The following GALNT1 variants were observed in gnomAD, a reference collection of about 807,000 sequenced individuals.
GALNT1 encodes polypeptide N-acetylgalactosaminyltransferase 1, also known as GalNAc transferase 1.
GALNT1 carries 17 observed loss-of-function variants against 65.7 expected under a neutral mutation model. That is an observed-to-expected ratio of 0.26 (90% confidence interval 0.18 to 0.39). GALNT1 has a LOEUF of 0.39. Among genes scored for constraint, GALNT1 ranks in the 10% least tolerant of loss-of-function variants. The probability of loss-of-function intolerance (pLI) is 1.00; values close to 1 mark genes in which losing one functional copy is unlikely to be tolerated. For synonymous variants in GALNT1, 210 were observed against 219.7 expected (o/e 0.96, Z 0.39); for missense variants, 460 against 672.8 (o/e 0.68, Z 3.50).
At chr18:35,597,797 C>T (rs1273011178) in intron 1 of GALNT1, among the ~76,000 whole-genome samples, 1 of 152,124 alleles carries the variant, frequency 6.6e-6, no homozygotes, top group Non-Finnish European at 1.5e-5. Flanking sequence ...CAGTTTACAT[C>T]TTTTAAGTCA....
chr18:35,655,669 T>C (rs2047375531), intron 2 of GALNT1, among the ~76,000 whole-genome samples: 1 of 152,128 alleles, frequency 6.6e-6, no homozygotes, highest in Non-Finnish European at 1.5e-5. Context: ...TAAACATGTT[T>C]TCTTTAAGCA....
intron 1 of GALNT1, among the ~76,000 whole-genome samples, chr18:35,622,823 A>G (rs1184448868): frequency 6.6e-6 from 1 of 152,170 alleles, no homozygotes; most frequent in Non-Finnish European, 1.5e-5. Context: ...CTTTAACAGT[A>G]AGTGAGTTGT....
At chr18:35,602,191 C>G (rs1261816581) in intron 1 of GALNT1, among the ~76,000 whole-genome samples, 1 of 152,174 alleles carries the variant, frequency 6.6e-6, no homozygotes, top group Non-Finnish European at 1.5e-5. Flanking sequence ...TTGTCACACT[C>G]CCTTTTGGCT....
At chr18:35,610,719 AT>A (rs1240759865) in intron 1 of GALNT1, among the ~76,000 whole-genome samples, 2 of 152,230 alleles carry the variant, frequency 1.3e-5, no homozygotes, top group African/African-American at 4.8e-5. Context: ...TAACCTAGAC[AT>A]TTAAAAATAA....
At chr18:35,585,236 C>T (rs1483304916) in intron 1 of GALNT1, among the ~76,000 whole-genome samples, 1 of 152,126 alleles carries the variant, frequency 6.6e-6, no homozygotes, top group African/African-American at 2.4e-5. Context: ...CCGACACATG[C>T]CTCTTTCTTC....
chr18:35,605,453 G>T (rs2046634435), intron 1 of GALNT1, among the ~76,000 whole-genome samples: 1 of 149,854 alleles, frequency 6.7e-6, no homozygotes, highest in African/African-American at 2.5e-5. Flanking sequence ...AGCCAAGATT[G>T]TGCCACTGTA....
chr18:35,682,881 G>A (rs2047806318), intron 4 of GALNT1, among the ~76,000 whole-genome samples: 1 of 137,864 alleles, frequency 7.3e-6, no homozygotes. Flanking sequence ...TCTTTTCCAA[G>A]TGTGACCCCA....
chr18:35,673,716 C>A (rs559150954), intron 3 of GALNT1, among the ~76,000 whole-genome samples: 70 of 152,272 alleles, frequency 4.6e-4, no homozygotes, highest in African/African-American at 1.6e-3. Context: ...GGATTGCAGA[C>A]ATGAGCCCCT....
intron 2 of GALNT1, among the ~76,000 whole-genome samples, chr18:35,662,339 G>A (rs914248123): frequency 5.9e-5 from 9 of 152,170 alleles, no homozygotes; most frequent in African/African-American, 2.2e-4. Context: ...CTATTTTAAT[G>A]TTCCACATAA....
chr18:35,695,788 T>C (rs575688032), intron 9 of GALNT1, among the ~76,000 whole-genome samples: 224 of 152,340 alleles, frequency 1.5e-3, no homozygotes, highest in Non-Finnish European at 2.5e-3. Context: ...TTTCCTTTGC[T>C]GTGACCTCGT....
chr18:35,677,151 G>C (rs190207879), intron 3 of GALNT1, among the ~76,000 whole-genome samples: 82 of 152,292 alleles, frequency 5.4e-4, no homozygotes, highest in African/African-American at 1.9e-3. Flanking sequence ...TAAGAGCCTG[G>C]TACACGATAG....
intron 1 of GALNT1, among the ~76,000 whole-genome samples, chr18:35,640,737 G>T (rs1312059561): frequency 2.6e-5 from 4 of 152,316 alleles, no homozygotes; most frequent in Non-Finnish European, 5.9e-5. Flanking sequence ...GGTATAGGGA[G>T]AGATAGATCA....
chr18:35,709,436 T>TTCTC (rs58566456), intron 11 of GALNT1, among the ~76,000 whole-genome samples, 188 bp from the exon 12 acceptor site: 50,483 of 148,266 alleles, frequency 0.34, 9,183 homozygotes, highest in Middle Eastern at 0.49. Flanking sequence ...ATCTACCTAC[T>TTCTC]TCTCTCTCTC....
intron 1 of GALNT1, among the ~76,000 whole-genome samples, chr18:35,617,781 A>G (rs549608994): frequency 6.6e-6 from 1 of 152,318 alleles, no homozygotes; most frequent in South Asian, 2.1e-4. Context: ...ATATTTCCTC[A>G]GTGGTCCCTA....
At position 35,633,438 on chromosome 18, in the gene GALNT1, A is replaced by G. The variant is rs113224099; in HGVS notation, c.-103-21122A>G. Reference sequence around the variant, plus strand: ...AAACCATCATTCTCAGCAAACTATCACAAGGACAAAAAACCAAACACCCCA... The same window carrying G: ...AAACCATCATTCTCAGCAAACTATCGCAAGGACAAAAAACCAAACACCCCA... On this transcript the variant is annotated intron_variant, in intron 1 of 11. Coordinates refer to ENST00000269195, the MANE Select transcript of GALNT1 (RefSeq NM_020474.4). 5.3e-3 allele frequency among the ~76,000 whole-genome samples: 804 copies of G among 151,956 alleles called. 10 individuals are homozygous for G. Among genetic ancestry groups the G allele is most frequent in the African/African-American group, 0.018 (764 of 41,412 alleles).
chr18:35,688,687 A>G lies in GALNT1; in HGVS notation c.861-486A>G, dbSNP rs149950314. On this transcript the variant is annotated intron_variant, in intron 6 of 11. Transcript: ENST00000269195. ...AGACCTCACTGTTTCCATCCAGTTT[A>G]TCTTATGTATTTATACTATTTGCCA... 8.4e-3 allele frequency among the ~76,000 whole-genome samples: 1,276 copies of G among 152,274 alleles called. 17 individuals carry two copies. Among genetic ancestry groups the G allele is most frequent in the African/African-American group, 0.028 (1,179 of 41,572 alleles).
intron 1 of GALNT1, among the ~76,000 whole-genome samples, chr18:35,643,410 G>A (rs1317071372): frequency 6.6e-6 from 1 of 152,074 alleles, no homozygotes; most frequent in African/African-American, 2.4e-5. Context: ...CTTCCCATAA[G>A]GACATTTAAG....
At chr18:35,700,756 T>TA (rs2048148161) in intron 9 of GALNT1, among the ~76,000 whole-genome samples, 1 of 152,146 alleles carries the variant, frequency 6.6e-6, no homozygotes, top group Admixed American at 6.5e-5. Context: ...GTGCTAGGAT[T>TA]CTACATGCAT....
At chr18:35,618,582 T>C (rs1204303367) in intron 1 of GALNT1, among the ~76,000 whole-genome samples, 1 of 152,106 alleles carries the variant, frequency 6.6e-6, no homozygotes, top group Non-Finnish European at 1.5e-5. Flanking sequence ...TTTTGAGAAT[T>C]AGAATTTTAA....
Sources: gnomAD v4.1 joint callset for allele counts (sites outside exome capture counted in the v4.1 genomes callset) on GRCh38, gnomAD v4.1.1 for gene constraint, MANE v1.5 for transcripts, NCBI Gene and HGNC (gene_info 2026-07-23, HGNC 2026-07-21) for gene names.